Variants in FAM3B observed in about 807,000 individuals in gnomAD.
FAM3B encodes the protein FAM3 metabolism regulating signaling molecule B.
In FAM3B, 29 loss-of-function variants were observed where a neutral mutation model predicts 28.4. The ratio of observed to expected loss-of-function variants is 1.02; its 90% CI spans 0.76 to 1.39. The LOEUF (loss-of-function observed/expected upper bound fraction) is 1.39. FAM3B is among the 40% of genes most tolerant of loss of function. FAM3B has a pLI of 0.00. For missense variants in FAM3B, 266 were observed against 293.9 expected, an observed-to-expected ratio of 0.91 and a Z score of 0.69; for synonymous variants, 91 against 103.0, an observed-to-expected ratio of 0.88 and a Z score of 0.71.
intron 7 of FAM3B, among the ~76,000 whole-genome samples, chr21:41,352,557 G>C (rs1011041507): frequency 7.9e-5 from 12 of 152,238 alleles, no homozygotes; most frequent in African/African-American, 2.9e-4. Context: ...CACTTTGGGA[G>C]GTCAAGGCAG....
At chr21:41,319,912 A>G (rs1307004491) in intron 1 of FAM3B, 1 of 152,082 alleles carries the variant, frequency 6.6e-6, no homozygotes, top group Non-Finnish European at 1.5e-5. Context: ...TTAAAGAGCT[A>G]TTTCAGATAT....
intron 1 of FAM3B, among the ~76,000 whole-genome samples, chr21:41,306,447 T>C (rs2088683555): frequency 6.6e-6 from 1 of 152,380 alleles, no homozygotes; most frequent in African/African-American, 2.4e-5. Flanking sequence ...TTCCTACAAA[T>C]GTATTCCTTA....
intron 2 of FAM3B, 25 bp from the exon 3 acceptor site, chr21:41,338,353 C>A: frequency 6.2e-7 from 1 of 1,613,500 alleles, no homozygotes. Flanking sequence ...ATGTTAATGG[C>A]TATATACTTT....
chr21:41,325,294 T>G (rs431149), intron 2 of FAM3B, among the ~76,000 whole-genome samples: 15,995 of 152,218 alleles, frequency 0.11, 1,427 homozygotes, highest in African/African-American at 0.24. Flanking sequence ...CTTCTGGTCT[T>G]TGGTTTTTGC....
intron 5 of FAM3B, 172 bp downstream of exon 5, chr21:41,345,908 T>C: frequency 1.8e-6 from 1 of 562,586 alleles, no homozygotes; most frequent in Admixed American, 3.7e-5. Context: ...TCTAATTGAA[T>C]TCATAGAACA....
chr21:41,330,854 C>T (rs1450240652), intron 2 of FAM3B, among the ~76,000 whole-genome samples: 1 of 152,198 alleles, frequency 6.6e-6, no homozygotes, highest in Non-Finnish European at 1.5e-5. Context: ...TCGATGGGCA[C>T]ATAGATTGAT....
chr21:41,334,353 G>T (rs1422519115), intron 2 of FAM3B, among the ~76,000 whole-genome samples: 1 of 152,136 alleles, frequency 6.6e-6, no homozygotes, highest in Non-Finnish European at 1.5e-5. Flanking sequence ...TGTCACACAG[G>T]CCCAGAGGGT....
chr21:41,354,103 G>T (rs2089144086), intron 7 of FAM3B, among the ~76,000 whole-genome samples: 1 of 152,300 alleles, frequency 6.6e-6, no homozygotes, highest in African/African-American at 2.4e-5. Context: ...TCTCACACCA[G>T]TCAGAATGGC....
At position 41,344,156 on chromosome 21, in the gene FAM3B, A is replaced by T. The variant is rs193015178; in HGVS notation, c.288-320A>T. ...AGATAATAAATTAACAATAAAGTGC[A>T]TCTGTGAAGAGCCTGAGCTAAATAA... On this transcript the variant is annotated intron_variant, in intron 3 of 7. Coordinates refer to ENST00000357985, the MANE Select transcript of FAM3B (RefSeq NM_058186.4). Among the ~76,000 whole-genome samples, 5 of 152,350 alleles carry T rather than the reference A, an allele frequency of 3.3e-5. No individual in the cohort carries two copies. The East Asian group carries it at 9.6e-4, about 29-fold the overall frequency.
chr21:41,341,591 T>C (rs1237180586), intron 3 of FAM3B, among the ~76,000 whole-genome samples: 2 of 152,256 alleles, frequency 1.3e-5, no homozygotes, highest in Non-Finnish European at 2.9e-5. Flanking sequence ...GTTTTGGACT[T>C]TGTATAAGTG....
At chr21:41,351,768 C>G (rs564270027) in intron 7 of FAM3B, among the ~76,000 whole-genome samples, 106 of 152,320 alleles carry the variant, frequency 7.0e-4, no homozygotes, top group Admixed American at 1.2e-3. Context: ...TTTAATGACC[C>G]CACTACCTGC....
chr21:41,345,704 C>A lies in FAM3B; in HGVS notation c.365C>A (p.Thr122Lys). Reference protein sequence around the residue: ...AIVNYVTGNVTATRCFDMYEG... With the variant: ...AIVNYVTGNVKATRCFDMYEG... ...TTTTCAGATGTAACTGGGAATGTGA[C>A]AGCAACACGATGTTTTGATATGTAT... is the stretch of plus-strand genomic sequence containing the variant. Residue 122 changes from threonine to lysine, a missense_variant, in exon 5 of 8, where the codon ACA becomes AAA. Coordinates refer to ENST00000357985, the MANE Select transcript of FAM3B (RefSeq NM_058186.4). The A allele has an allele frequency of 6.5e-7, 1 of 1,544,668 alleles. No individual in the cohort carries two copies. The highest frequency in any genetic ancestry group is 8.7e-7 in the Non-Finnish European group (1 of 1,150,810).
At chr21:41,325,550 C>T (rs1187744360) in intron 2 of FAM3B, among the ~76,000 whole-genome samples, 1 of 152,142 alleles carries the variant, frequency 6.6e-6, no homozygotes, top group Non-Finnish European at 1.5e-5. Flanking sequence ...TTCCTGGACC[C>T]CACTCTGGGA....
At position 41,308,465 on chromosome 21, in the gene FAM3B, G is replaced by A. The variant is rs965143733; in HGVS notation, n.99+4155G>A. Among the ~76,000 whole-genome samples, 37 of 152,122 alleles carry A rather than the reference G, an allele frequency of 2.4e-4. 1 individual carries two copies. The highest frequency in any genetic ancestry group is 6.8e-3 in the Middle Eastern group (2 of 292). On this transcript the variant is annotated intron_variant and non_coding_transcript_variant, in intron 1 of 9. Coordinates refer to the FAM3B transcript ENST00000479810. ...GTCAGCAGAAATGGCTTTAACAAGA[G>A]TGAAAAGCAGTAGCAAAGGCAACGA...
At position 41,326,795 on chromosome 21, in the gene FAM3B, C is replaced by T. The variant is rs2088858647; in HGVS notation, c.163+3729C>T. On this transcript the variant is annotated intron_variant, in intron 2 of 7. Coordinates refer to ENST00000357985, the MANE Select transcript of FAM3B (RefSeq NM_058186.4). This position sits in a 1 kb window ranked among gnomAD's most constrained non-coding sequence, Gnocchi z 4.0. ...TGTAGTAGGCCTGTGTACCCTGAGC[C>T]CCAGCCCCTGAGGCAGGAGGAGGAA... Among the ~76,000 whole-genome samples, 1 of 152,192 alleles carries T rather than the reference C, an allele frequency of 6.6e-6. No individual in the cohort carries two copies. Among genetic ancestry groups the T allele is most frequent in the Non-Finnish European group, 1.5e-5 (1 of 68,030 alleles).
intron 1 of FAM3B, 44 bp from the exon 2 acceptor site, chr21:41,322,879 G>T: frequency 6.2e-7 from 1 of 1,614,090 alleles, no homozygotes; most frequent in Non-Finnish European, 8.5e-7. Context: ...GGCCAGGGCC[G>T]CCACCAAGTC....
At chr21:41,340,970 A>T (rs2089001541) in intron 3 of FAM3B, among the ~76,000 whole-genome samples, 1 of 152,136 alleles carries the variant, frequency 6.6e-6, no homozygotes, top group East Asian at 1.9e-4. Context: ...AGGTATATAT[A>T]TGCATGTATA....
At chr21:41,316,706 C>CGCGCACCTGCCGGGT, upstream of FAM3B, 1 of 486,772 alleles carries the variant, frequency 2.1e-6, no homozygotes, top group Non-Finnish European at 3.3e-6. Flanking sequence ...ACGCCCGCCC[C>CGCGCACCTGCCGGGT]GCGCACCTGC....
At position 41,349,475 on chromosome 21, in the gene FAM3B, A is replaced by G. The variant is rs1450894424; in HGVS notation, c.618+751A>G. 2.6e-5 allele frequency among the ~76,000 whole-genome samples: 4 copies of G among 152,172 alleles called. No homozygotes were observed. The South Asian group carries it at 8.3e-4, about 32-fold the overall frequency. ...GACTTCCCCACTATACCTTCTGAGG[A>G]TAAGGGCCTCCTTTCCACTTAGCCA... On this transcript the variant is annotated intron_variant, in intron 7 of 7. Transcript: ENST00000357985.
Sources: allele counts gnomAD v4.1 joint callset (sites outside exome capture counted in the v4.1 genomes callset), GRCh38; gene constraint gnomAD v4.1.1; non-coding constraint Gnocchi (gnomAD v3.1); transcripts MANE v1.5; gene names NCBI Gene and HGNC (gene_info 2026-07-23, HGNC 2026-07-21).